RSPH14: variants seen among roughly 807,000 people sequenced by gnomAD.
RSPH14 encodes rhabdoid tumor deletion region gene 1.
Under a neutral mutation model 26.7 loss-of-function variants are expected in RSPH14, and 20 were observed. That is an observed-to-expected ratio of 0.75 (90% CI 0.53 to 1.09). The LOEUF is 1.09. Among genes scored for constraint, RSPH14 ranks in the 50% least tolerant of loss-of-function variants. RSPH14 has a pLI of 0.00. For missense variants in RSPH14, 449 were observed against 457.2 expected, an observed-to-expected ratio of 0.98 and a Z score of 0.16; for synonymous variants, 177 against 189.3, an observed-to-expected ratio of 0.93 and a Z score of 0.53.
chr22:23,127,888 A>G (rs117134749), intron 4 of RSPH14, among the ~76,000 whole-genome samples: 1 of 152,278 alleles, frequency 6.6e-6, no homozygotes, highest in East Asian at 1.9e-4. Flanking sequence ...CAATTTCCAG[A>G]GGCAGGGCCC....
intron 3 of RSPH14, chr22:23,136,098 G>A (rs1429036478): frequency 1.5e-5 from 8 of 549,270 alleles, no homozygotes; most frequent in African/African-American, 3.9e-5. Context: ...CCCTGACCAC[G>A]GGGGCTTCCT....
In RSPH14 at chr22:23,091,473, G is replaced by A. The variant is rs534585387; in HGVS notation, c.422-27340C>T. Among the ~76,000 whole-genome samples, 13 of 147,286 alleles carry A rather than the reference G, an allele frequency of 8.8e-5. 1 individual carries two copies. Among genetic ancestry groups the A allele is most frequent in the Non-Finnish European group, 1.3e-4 (9 of 67,246 alleles). On this transcript the variant is annotated intron_variant, in intron 4 of 6. Transcript: ENST00000216036. ...GGTCCTATGCATACACACACACACC[G>A]CAATGGACCTGCACACACACAGGGA... is the stretch of plus-strand genomic sequence containing the variant.
intron 4 of RSPH14, among the ~76,000 whole-genome samples, chr22:23,070,079 G>T (rs567680476): frequency 6.6e-6 from 1 of 152,172 alleles, no homozygotes; most frequent in African/African-American, 2.4e-5. Context: ...GGAGTCGGTG[G>T]AACGCCGGCG....
chr22:23,119,304 A>C (rs1601836261), intron 4 of RSPH14, among the ~76,000 whole-genome samples: 1 of 152,108 alleles, frequency 6.6e-6, no homozygotes, highest in East Asian at 1.9e-4. Context: ...ACCTTTCCCC[A>C]CTGCCTCCTC....
chr22:23,095,478 G>T, intron 4 of RSPH14: 7 of 572,042 alleles, frequency 1.2e-5, no homozygotes, highest in Admixed American at 3.2e-5. Context: ...TGTCACTAGT[G>T]GGGAGGGGCG....
chr22:23,167,132 T>TG, the RSPH14 span, among the ~76,000 whole-genome samples: 1 of 152,048 alleles, frequency 6.6e-6, no homozygotes, highest in Admixed American at 6.5e-5. Flanking sequence ...CAACCCCACT[T>TG]GGAGTCTAAT....
chr22:23,132,512 G>C (rs2070376455), intron 4 of RSPH14, among the ~76,000 whole-genome samples: 1 of 152,012 alleles, frequency 6.6e-6, no homozygotes, highest in Non-Finnish European at 1.5e-5. Flanking sequence ...TGTGTGCTAT[G>C]GTATTTCACA....
the RSPH14 span, among the ~76,000 whole-genome samples, chr22:23,166,982 A>G: frequency 6.6e-6 from 1 of 152,022 alleles, no homozygotes; most frequent in Non-Finnish European, 1.5e-5. Context: ...AACCACAGCA[A>G]TGCTGTGGGC....
intron 4 of RSPH14, among the ~76,000 whole-genome samples, chr22:23,119,791 C>T (rs998211703): frequency 1.9e-4 from 29 of 152,314 alleles, no homozygotes; most frequent in African/African-American, 5.5e-4. Flanking sequence ...TGCAGGCTTT[C>T]CTGACTCCTG....
intron 4 of RSPH14, chr22:23,123,301 G>A (rs762641601): frequency 1.4e-5 from 23 of 1,613,224 alleles, no homozygotes; most frequent in Admixed American, 8.3e-5. Context: ...GACCTGAACC[G>A]CAACAAGGAG....
At chr22:23,061,683 A>AG in intron 6 of RSPH14, 126 bp downstream of exon 6, 4 of 1,011,084 alleles carry the variant, frequency 4.0e-6, no homozygotes, top group South Asian at 1.6e-5. Context: ...GGCCAAGGGG[A>AG]GGTTTTTTTT....
chr22:23,167,772 T>C, the RSPH14 span, among the ~76,000 whole-genome samples: 5 of 151,956 alleles, frequency 3.3e-5, no homozygotes, highest in Admixed American at 2.6e-4. Flanking sequence ...GGCCTCAAAC[T>C]CCCGGTCTCA....
the RSPH14 span, among the ~76,000 whole-genome samples, chr22:23,170,234 C>G: frequency 3.3e-5 from 5 of 152,000 alleles, no homozygotes; most frequent in Non-Finnish European, 5.9e-5. Context: ...CAGACTCAAA[C>G]AAGTACATTG....
intron 4 of RSPH14, among the ~76,000 whole-genome samples, chr22:23,110,982 G>A (rs367595776): frequency 1.3e-5 from 2 of 152,196 alleles, no homozygotes; most frequent in South Asian, 4.1e-4. Flanking sequence ...CTAGGTGCTG[G>A]GTGAACCAAG....
At position 23,117,214 on chromosome 22, in the gene RSPH14, G is replaced by C. The variant is rs542295756; in HGVS notation, c.421+16812C>G. 2.7e-5 allele frequency among the ~76,000 whole-genome samples: 4 copies of C among 150,212 alleles called. No individual in the cohort carries two copies. In the South Asian group the frequency reaches 6.3e-4, roughly 24 times the overall value. On this transcript the variant is annotated intron_variant, in intron 4 of 6. Transcript: ENST00000216036. ...TCTGTGCCCCACAAACAGAGGGACC[G>C]GCTGTAAGGAGACTGGCCTGATGGG...
At chr22:23,106,040 T>C (rs1417890334) in intron 4 of RSPH14, among the ~76,000 whole-genome samples, 1 of 152,146 alleles carries the variant, frequency 6.6e-6, no homozygotes, top group Non-Finnish European at 1.5e-5. Flanking sequence ...TCCCACCATC[T>C]TGGAATTTTC....
chr22:23,127,951 G>T (rs1202374446), intron 4 of RSPH14, among the ~76,000 whole-genome samples: 1 of 152,050 alleles, frequency 6.6e-6, no homozygotes, highest in Non-Finnish European at 1.5e-5. Flanking sequence ...TCTCCTCCGG[G>T]CTGGGAGGGT....
chr22:23,106,711 G>C (rs150768181), intron 4 of RSPH14, among the ~76,000 whole-genome samples: 1 of 152,364 alleles, frequency 6.6e-6, no homozygotes, highest in Non-Finnish European at 1.5e-5. Context: ...GGCAGAGCCT[G>C]GCGCAGGGCA....
chr22:23,145,460 G>C (rs771745321), upstream of RSPH14: 5 of 1,609,984 alleles, frequency 3.1e-6, no homozygotes, highest in Admixed American at 3.3e-5. Context: ...GTAGCCCGCA[G>C]GTCCCGCGTG....
Sources: gnomAD v4.1 joint callset for allele counts (sites outside exome capture counted in the v4.1 genomes callset) on GRCh38, gnomAD v4.1.1 for gene constraint, MANE v1.5 for transcripts, NCBI Gene and HGNC (gene_info 2026-07-23, HGNC 2026-07-21) for gene names.